The following KCND3 variants were observed in gnomAD, a reference collection of about 807,000 sequenced individuals.
KCND3 encodes A-type voltage-gated potassium channel KCND3.
A neutral mutation model predicts 51.1 loss-of-function variants in KCND3; 9 were observed. That is an observed-to-expected ratio of 0.18 (90% CI 0.11 to 0.31). The LOEUF (loss-of-function observed/expected upper bound fraction) is 0.31. KCND3 is among the 10% of genes least tolerant of loss of function. The pLI, the probability that KCND3 is intolerant of heterozygous loss-of-function variation, is 1.00. For missense variants in KCND3, 526 were observed against 903.8 expected, an observed-to-expected ratio of 0.58 and a Z score of 5.36; for synonymous variants, 349 against 368.0, an observed-to-expected ratio of 0.95 and a Z score of 0.59.
chr1:111,811,098 T>A (rs960093747), intron 2 of KCND3, among the ~76,000 whole-genome samples: 2 of 152,184 alleles, frequency 1.3e-5, no homozygotes, highest in Non-Finnish European at 2.9e-5. Flanking sequence ...AAACTGATGA[T>A]CAGGGGAGAG....
chr1:111,908,150 C>T (rs1236553002), intron 2 of KCND3, among the ~76,000 whole-genome samples: 6 of 152,202 alleles, frequency 3.9e-5, no homozygotes, highest in African/African-American at 1.4e-4. Flanking sequence ...CCTTTCTCCC[C>T]TTGGATAGAT....
intron 2 of KCND3, among the ~76,000 whole-genome samples, chr1:111,840,608 T>C: frequency 6.6e-6 from 1 of 151,962 alleles, no homozygotes; most frequent in East Asian, 1.9e-4. Context: ...GTTTTTGATG[T>C]ATCTTTTCTT....
intron 2 of KCND3, among the ~76,000 whole-genome samples, chr1:111,892,223 G>A (rs1361661230): frequency 6.6e-6 from 1 of 152,166 alleles, no homozygotes; most frequent in East Asian, 1.9e-4. Flanking sequence ...CGGGGAAAGG[G>A]AGCATCCAAA....
intron 2 of KCND3, among the ~76,000 whole-genome samples, chr1:111,801,258 G>C (rs991413491): frequency 6.6e-6 from 1 of 152,228 alleles, no homozygotes; most frequent in Admixed American, 6.5e-5. Flanking sequence ...AGGGCTCCAT[G>C]CAGTCTGTGC....
At chr1:111,805,773 G>T (rs1179850124) in intron 2 of KCND3, among the ~76,000 whole-genome samples, 1 of 152,238 alleles carries the variant, frequency 6.6e-6, no homozygotes, top group Non-Finnish European at 1.5e-5. Context: ...TGTGGACGGT[G>T]TGAAAATTCC....
At chr1:111,897,887 T>C (rs931643414) in intron 2 of KCND3, among the ~76,000 whole-genome samples, 11 of 152,222 alleles carry the variant, frequency 7.2e-5, no homozygotes, top group Non-Finnish European at 1.3e-4. Flanking sequence ...GAAAATACTT[T>C]TTATTTCCAA....
rs1553236817 is a variant in KCND3, at chr1:111,784,145, C to CACACACACACT, written c.1269+2798_1269+2799insAGTGTGTGTGT. 7.0e-4 allele frequency among the ~76,000 whole-genome samples: 87 copies of CACACACACACT among 125,164 alleles called. 1 individual carries two copies. The highest frequency in any genetic ancestry group is 8.0e-4 in the Non-Finnish European group (47 of 58,784). 82.1% of individuals were successfully genotyped at this position (125,164 alleles called of 152,430 possible). ...CACACACACACACACACACACACAC[C>CACACACACACT]AGTCCAAGTAAAACTGGAGATATCT... On this transcript the variant is annotated intron_variant, in intron 3 of 7. Transcript: ENST00000302127.
chr1:111,839,867 T>C lies in KCND3; in HGVS notation c.1107-52761A>G, dbSNP rs1040730444. ...AGTAACAACCACAGAAATACAAAAGTGCCCTTTTTTGGCTGGAATTCTTTG... is the reference window on the plus strand; with the variant it reads ...AGTAACAACCACAGAAATACAAAAGCGCCCTTTTTTGGCTGGAATTCTTTG... On this transcript the variant is annotated intron_variant, in intron 2 of 7. Transcript: ENST00000302127. Among the ~76,000 whole-genome samples, 3 of 152,244 alleles carry C rather than the reference T, an allele frequency of 2.0e-5. No individual in the cohort carries two copies. The South Asian group carries it at 6.2e-4, about 31-fold the overall frequency.
chr1:111,948,691 T>A (rs1208888276), intron 2 of KCND3, among the ~76,000 whole-genome samples: 2 of 152,104 alleles, frequency 1.3e-5, no homozygotes, highest in East Asian at 3.9e-4. Flanking sequence ...GCTGCTCCCC[T>A]CTGGGGAGCT....
intron 2 of KCND3, among the ~76,000 whole-genome samples, chr1:111,821,526 TG>T (rs879905789): frequency 6.6e-6 from 1 of 152,222 alleles, no homozygotes; most frequent in Non-Finnish European, 1.5e-5. Flanking sequence ...GTTTCCCGCC[TG>T]CTCAGGAAGC....
At chr1:111,961,162 T>G (rs889968067) in intron 2 of KCND3, among the ~76,000 whole-genome samples, 6 of 152,226 alleles carry the variant, frequency 3.9e-5, no homozygotes, top group African/African-American at 1.4e-4. Context: ...GGATTCTGGC[T>G]GGCCACAGAG....
At chr1:111,865,884 T>G (rs756356145) in intron 2 of KCND3, among the ~76,000 whole-genome samples, 6 of 152,122 alleles carry the variant, frequency 3.9e-5, no homozygotes, top group Non-Finnish European at 8.8e-5. Flanking sequence ...TTTGTATTTT[T>G]TTGTAGAGAT....
chr1:111,829,293 T>C (rs533326659), intron 2 of KCND3, among the ~76,000 whole-genome samples: 8 of 152,258 alleles, frequency 5.3e-5, no homozygotes, highest in African/African-American at 1.9e-4. Context: ...TGGATGTTTC[T>C]GATGAGAGTG....
intron 2 of KCND3, among the ~76,000 whole-genome samples, chr1:111,895,786 A>C (rs1408474811): frequency 6.6e-6 from 1 of 152,220 alleles, no homozygotes; most frequent in Non-Finnish European, 1.5e-5. Context: ...GCTTCAGCGG[A>C]AACGCTGCCA....
At chr1:111,951,968 G>A (rs1241443820) in intron 2 of KCND3, among the ~76,000 whole-genome samples, 6 of 152,158 alleles carry the variant, frequency 3.9e-5, no homozygotes, top group Non-Finnish European at 5.9e-5. Flanking sequence ...AATGTTTCAG[G>A]GTCCAGGAAC....
At chr1:111,939,863 C>G (rs1672410539) in intron 2 of KCND3, among the ~76,000 whole-genome samples, 1 of 152,186 alleles carries the variant, frequency 6.6e-6, no homozygotes, top group Non-Finnish European at 1.5e-5. Context: ...TAAAAGCATT[C>G]CTATTTCTCC....
At chr1:111,919,284 A>G (rs1012527698) in intron 2 of KCND3, among the ~76,000 whole-genome samples, 1 of 151,490 alleles carries the variant, frequency 6.6e-6, no homozygotes, top group African/African-American at 2.4e-5. Context: ...CTATGAATGA[A>G]GTAAGAGAGG....
chr1:111,790,253 A>G (rs1341439417), intron 2 of KCND3, among the ~76,000 whole-genome samples: 1 of 152,206 alleles, frequency 6.6e-6, no homozygotes, highest in African/African-American at 2.4e-5. Context: ...AGCCTCTATC[A>G]CTTATAAAAT....
intron 2 of KCND3, among the ~76,000 whole-genome samples, chr1:111,946,786 G>C (rs945518108): frequency 1.3e-5 from 2 of 152,164 alleles, no homozygotes; most frequent in African/African-American, 4.8e-5. Flanking sequence ...ACCACATATG[G>C]GGGCCCCACT....
Sources: gnomAD v4.1 joint callset for allele counts (sites outside exome capture counted in the v4.1 genomes callset) on GRCh38, gnomAD v4.1.1 for gene constraint, MANE v1.5 for transcripts, NCBI Gene and HGNC (gene_info 2026-07-23, HGNC 2026-07-21) for gene names.